The following GRM7 variants were observed in gnomAD, a reference collection of about 807,000 sequenced individuals.
GRM7 encodes the protein metabotropic glutamate receptor 7.
A neutral mutation model predicts 84.5 loss-of-function variants in GRM7; 35 were observed. That is an observed-to-expected ratio of 0.41 (90% CI 0.32 to 0.55). The LOEUF is 0.55. Ranked by LOEUF, GRM7 falls within the 20% of genes least tolerant of loss-of-function variation. GRM7 has a pLI of 0.19. For missense variants in GRM7, 1,003 were observed against 1,194.6 expected (o/e 0.84, Z 2.36); for synonymous variants, 487 against 455.1 (o/e 1.07, Z -0.89).
chr3:6,863,171 C>A lies in GRM7; in HGVS notation c.519+1264C>A, dbSNP rs145678666. The stretch of plus-strand genomic sequence containing the variant: ...TTTCTCTCCTTTTCAATCTCTCCCT[C>A]CTTTCCTCCTCTGTCTTCACTCCCA... On this transcript the variant is annotated intron_variant, in intron 1 of 9. Transcript: ENST00000357716. This position sits in a 1 kb window ranked among gnomAD's most constrained non-coding sequence, Gnocchi z 4.8. Among the ~76,000 whole-genome samples, 1 of 151,796 alleles carries A rather than the reference C, an allele frequency of 6.6e-6. No individual in the cohort carries two copies. Among genetic ancestry groups the A allele is most frequent in the Non-Finnish European group, 1.5e-5 (1 of 67,940 alleles).
intron 1 of GRM7, among the ~76,000 whole-genome samples, chr3:6,874,503 G>A (rs1424552065): frequency 1.3e-5 from 2 of 152,130 alleles, no homozygotes; most frequent in African/African-American, 4.8e-5. Context: ...CAGATACCAA[G>A]CTTATCCCTA....
chr3:7,572,852 ATATATATATATATATATATATATAT>A (rs1694759027), intron 7 of GRM7, among the ~76,000 whole-genome samples: 5 of 43,514 alleles, frequency 1.1e-4, no homozygotes, highest in African/African-American at 5.0e-4. Context: ...ATATATATAT[ATATATATATATATATATATATATAT>A]ATAAATAATC....
chr3:7,386,368 C>T lies in GRM7; in HGVS notation c.1034-28655C>T, dbSNP rs561638103. Among the ~76,000 whole-genome samples, 5 of 152,182 alleles carry T rather than the reference C, an allele frequency of 3.3e-5. No individual in the cohort carries two copies. The East Asian group carries it at 9.7e-4, about 29-fold the overall frequency. On this transcript the variant is annotated intron_variant, in intron 4 of 9. Coordinates refer to ENST00000357716, the MANE Select transcript of GRM7 (RefSeq NM_000844.4). ...AGGTTTGGGCTTCTAATGTACCTGT[C>T]GCCAAAGTAGCATGCATAGTAGCCA...
chr3:7,695,995 A>G (rs564107997), intron 9 of GRM7, among the ~76,000 whole-genome samples: 19 of 152,334 alleles, frequency 1.2e-4, no homozygotes, highest in Non-Finnish European at 1.8e-4. Context: ...AGGCACATGT[A>G]GCTAGCAGCT....
At chr3:7,262,890 A>T (rs1295235527) in intron 2 of GRM7, among the ~76,000 whole-genome samples, 1 of 151,740 alleles carries the variant, frequency 6.6e-6, no homozygotes. Context: ...TAGAGATGGG[A>T]TTTCACCATG....
chr3:7,240,518 T>A (rs939736504), intron 2 of GRM7, among the ~76,000 whole-genome samples: 4 of 152,184 alleles, frequency 2.6e-5, no homozygotes, highest in Admixed American at 2.6e-4. Context: ...ACTACTAAGA[T>A]ATGGTTGAAT....
At chr3:7,396,607 T>G (rs1695221850) in intron 4 of GRM7, among the ~76,000 whole-genome samples, 1 of 152,158 alleles carries the variant, frequency 6.6e-6, no homozygotes, top group Non-Finnish European at 1.5e-5. Flanking sequence ...CATGCAATTT[T>G]TCTCTTCTTT....
intron 1 of GRM7, among the ~76,000 whole-genome samples, chr3:6,923,577 T>C (rs1697199665): frequency 6.6e-6 from 1 of 152,218 alleles, no homozygotes; most frequent in Non-Finnish European, 1.5e-5. Context: ...TGTTGGTTTT[T>C]ATTTTTTGTT....
intron 2 of GRM7, among the ~76,000 whole-genome samples, chr3:7,254,509 T>G (rs929800282): frequency 1.3e-5 from 2 of 152,234 alleles, no homozygotes; most frequent in African/African-American, 2.4e-5. Flanking sequence ...TAGCAAATAT[T>G]TCCTCTTTGC....
intron 1 of GRM7, among the ~76,000 whole-genome samples, chr3:6,967,646 T>C (rs950985229): frequency 6.6e-6 from 1 of 152,206 alleles, no homozygotes; most frequent in Non-Finnish European, 1.5e-5. Flanking sequence ...TTGGAGGGTA[T>C]TTTTCCTATG....
intron 1 of GRM7, among the ~76,000 whole-genome samples, chr3:6,979,618 A>G (rs1694121854): frequency 6.6e-6 from 1 of 152,222 alleles, no homozygotes; most frequent in African/African-American, 2.4e-5. Context: ...CTTTTACAAG[A>G]TTACAATTTT....
intron 8 of GRM7, among the ~76,000 whole-genome samples, chr3:7,677,928 A>G (rs1700200727): frequency 6.6e-6 from 1 of 152,242 alleles, no homozygotes; most frequent in Non-Finnish European, 1.5e-5. Flanking sequence ...ATCCATAAAA[A>G]AGAACAAACC....
chr3:7,476,355 G>A (rs1024888351), intron 7 of GRM7, among the ~76,000 whole-genome samples: 45 of 152,134 alleles, frequency 3.0e-4, no homozygotes, highest in Admixed American at 2.9e-3. Context: ...AGACCATCCT[G>A]GCTAACATGA....
At chr3:7,234,891 T>C (rs1697301042) in intron 2 of GRM7, among the ~76,000 whole-genome samples, 1 of 152,176 alleles carries the variant, frequency 6.6e-6, no homozygotes, top group Non-Finnish European at 1.5e-5. Context: ...AAAAAGTCCT[T>C]CATTAAACTC....
intron 1 of GRM7, among the ~76,000 whole-genome samples, chr3:6,955,200 A>G (rs1692980934): frequency 6.6e-6 from 1 of 152,078 alleles, no homozygotes; most frequent in Non-Finnish European, 1.5e-5. Flanking sequence ...AAGATTGTAA[A>G]CAATTATAAA....
At chr3:7,337,591 G>A (rs1424864862) in intron 4 of GRM7, among the ~76,000 whole-genome samples, 1 of 151,888 alleles carries the variant, frequency 6.6e-6, no homozygotes, top group Non-Finnish European at 1.5e-5. Flanking sequence ...TAAAAAGTGG[G>A]CTAAGGACAT....
At chr3:7,379,096 G>A (rs565175270) in intron 4 of GRM7, among the ~76,000 whole-genome samples, 5 of 152,170 alleles carry the variant, frequency 3.3e-5, no homozygotes, top group African/African-American at 1.2e-4. Context: ...TTTTGAAGAT[G>A]GAGTCTCGCT....
intron 1 of GRM7, among the ~76,000 whole-genome samples, chr3:7,074,369 A>G (rs555351926): frequency 1.2e-3 from 190 of 152,318 alleles, no homozygotes; most frequent in African/African-American, 4.2e-3. Context: ...AACAGGAGAC[A>G]GGAATGGAAA....
At chr3:7,545,275 C>T (rs745351719) in intron 7 of GRM7, among the ~76,000 whole-genome samples, 1 of 152,240 alleles carries the variant, frequency 6.6e-6, no homozygotes, top group Admixed American at 6.5e-5. Flanking sequence ...ACTGAGTGCA[C>T]AGGCCAATGC....
Sources: gnomAD v4.1 joint callset for allele counts (sites outside exome capture counted in the v4.1 genomes callset) on GRCh38, gnomAD v4.1.1 for gene constraint, Gnocchi (gnomAD v3.1) non-coding constraint, MANE v1.5 for transcripts, NCBI Gene and HGNC (gene_info 2026-07-23, HGNC 2026-07-21) for gene names.